KCNAB2: variants seen among roughly 807,000 people sequenced by gnomAD.
KCNAB2 encodes the protein voltage-gated potassium channel subunit beta-2.
A neutral mutation model predicts 63.6 loss-of-function variants in KCNAB2; 29 were observed. The ratio of observed to expected loss-of-function variants is 0.46; its 90% confidence interval spans 0.34 to 0.62. The LOEUF is 0.62. Among genes scored for constraint, KCNAB2 ranks in the 20% least tolerant of loss-of-function variants. KCNAB2 has a pLI of 0.01. For missense variants in KCNAB2, 359 were observed against 563.9 expected, an observed-to-expected ratio of 0.64 and a Z score of 3.68; for synonymous variants, 222 against 224.2, an observed-to-expected ratio of 0.99 and a Z score of 0.09.
chr1:6,089,216 A>G (rs1388077355), intron 8 of KCNAB2, among the ~76,000 whole-genome samples, 165 bp downstream of exon 8: 3 of 152,208 alleles, frequency 2.0e-5, no homozygotes, highest in African/African-American at 7.2e-5. Context: ...CCCAGGTAGC[A>G]CAGCGGGACG....
Position 6,035,345 on chromosome 1 carries a change from AGTGACAT to A in KCNAB2, c.-53+552_-53+558del, listed in dbSNP as rs1659947037. On this transcript the variant is annotated intron_variant, in intron 1 of 15. Coordinates refer to the KCNAB2 transcript ENST00000164247. This position sits in a 1 kb window ranked among gnomAD's most constrained non-coding sequence, Gnocchi z 5.0. ...GCCATTGGAAGGTTTGGAGTGAAGC[AGTGACAT>A]AATCTGACTTATGTTCTGGGAGGAT... 6.6e-6 allele frequency among the ~76,000 whole-genome samples: 1 copy of A among 152,220 alleles called. No homozygotes were observed. The highest frequency in any genetic ancestry group is 2.1e-4 in the South Asian group (1 of 4,832).
In KCNAB2 at chr1:6,087,715, C is replaced by T. The variant is rs1255136886; in HGVS notation, c.470+204C>T. 6.6e-6 allele frequency among the ~76,000 whole-genome samples: 1 copy of T among 152,230 alleles called. No homozygotes were observed. Among genetic ancestry groups the T allele is most frequent in the Non-Finnish European group, 1.5e-5 (1 of 68,036 alleles). ...AGCAGGGGCAGAGCTGGTGTTTCTG[C>T]AGCCATCAGCTATGCCTGGTGCCTG... On this transcript the variant is annotated intron_variant, in intron 7 of 15. Transcript: ENST00000378083. This position sits in a 1 kb window ranked among gnomAD's most constrained non-coding sequence, Gnocchi z 6.4.
intron 1 of KCNAB2, among the ~76,000 whole-genome samples, chr1:6,037,633 AG>A: frequency 6.6e-6 from 1 of 152,224 alleles, no homozygotes; most frequent in African/African-American, 2.4e-5. Flanking sequence ...CAGCATCTTT[AG>A]GAGTTTAACG....
Position 6,082,206 on chromosome 1 carries a change from G to T in KCNAB2, c.312G>T (p.Gln104His), listed in dbSNP as rs1352704803. The T allele has an allele frequency of 1.9e-6, 3 of 1,613,724 alleles. No individual in the cohort carries two copies. The highest frequency in any genetic ancestry group is 1.3e-5 in the African/African-American group (1 of 74,938). The change falls in exon 5 of 16, where the codon CAG becomes CAT. Residue 104 changes from glutamine (Q) to histidine (H), a missense_variant. Gln to His is a conservative substitution (Grantham distance 24). Transcript: ENST00000378083. The part of the protein sequence containing the change: ...GGQITDEMAE[Q>H]LMTLAYDNGI... The stretch of plus-strand genomic sequence containing the variant: ...TTTTCTCGTTTCAGATGGCAGAGCA[G>T]CTCATGACCTTGGCCTATGATAATG...
intron 1 of KCNAB2, among the ~76,000 whole-genome samples, chr1:6,005,517 C>G (rs1657613237): frequency 6.6e-6 from 1 of 151,558 alleles, no homozygotes; most frequent in Non-Finnish European, 1.5e-5. Context: ...AGGAAGCCAG[C>G]CTGTGGACCT....
intron 2 of KCNAB2, among the ~76,000 whole-genome samples, chr1:6,053,028 G>A (rs1268108248): frequency 6.6e-6 from 1 of 152,068 alleles, no homozygotes; most frequent in African/African-American, 2.4e-5. Context: ...TGTGGACGGC[G>A]TGTTTGGTCC....
chr1:6,041,978 C>A, upstream of KCNAB2: 3 of 1,014,920 alleles, frequency 3.0e-6, no homozygotes, highest in African/African-American at 1.6e-5. Context: ...TTCTCTGAAG[C>A]CAAAGCCCCC....
intron 5 of KCNAB2, among the ~76,000 whole-genome samples, chr1:6,084,644 C>T (rs374900717): frequency 3.3e-4 from 50 of 152,144 alleles, no homozygotes; most frequent in East Asian, 1.5e-3. Flanking sequence ...AGTGAAACCC[C>T]GTCTCTACTA....
chr1:6,099,705 G>T lies in KCNAB2; in HGVS notation c.*1131G>T. On this transcript the variant is annotated 3_prime_UTR_variant, in exon 16 of 16. Transcript: ENST00000378083. ...TGGGGTTTTCTGTGCCCATGACTTGGGGGCTGCACCCCCACAGCACCCCCA... is the reference window on the plus strand; with the variant it reads ...TGGGGTTTTCTGTGCCCATGACTTGTGGGCTGCACCCCCACAGCACCCCCA... The T allele has an allele frequency of 4.9e-6, 7 of 1,417,732 alleles. No homozygotes were observed. Among genetic ancestry groups the T allele is most frequent in the Non-Finnish European group, 5.6e-6 (6 of 1,077,032 alleles). 87.8% of individuals were successfully genotyped at this position (1,417,732 alleles called of 1,614,324 possible). A position where few individuals can be genotyped will look rare whatever the true frequency, so the allele number is the denominator to read the frequency against.
intron 1 of KCNAB2, among the ~76,000 whole-genome samples, chr1:6,051,036 G>A (rs1019788478): frequency 1.3e-5 from 2 of 152,240 alleles, no homozygotes; most frequent in East Asian, 3.9e-4. Flanking sequence ...TCAGCAACAG[G>A]TGTGCCCTGC....
chr1:6,076,550 C>G (rs1415263466), intron 4 of KCNAB2, among the ~76,000 whole-genome samples: 2 of 152,220 alleles, frequency 1.3e-5, no homozygotes, highest in Admixed American at 1.3e-4. Context: ...AATCCTCTAT[C>G]AACCCAGGGA....
intron 2 of KCNAB2, among the ~76,000 whole-genome samples, chr1:6,060,659 T>G: frequency 6.6e-6 from 1 of 152,066 alleles, no homozygotes; most frequent in East Asian, 1.9e-4. Context: ...CCCATTACTT[T>G]GGGAGGCCCA....
At chr1:6,084,383 A>G (rs1297360926) in intron 5 of KCNAB2, among the ~76,000 whole-genome samples, 1 of 152,186 alleles carries the variant, frequency 6.6e-6, no homozygotes, top group African/African-American at 2.4e-5. Context: ...GGACACGTGC[A>G]CCCACACACA....
At chr1:6,077,980 C>T (rs1258851470) in intron 4 of KCNAB2, among the ~76,000 whole-genome samples, 1 of 152,190 alleles carries the variant, frequency 6.6e-6, no homozygotes, top group Non-Finnish European at 1.5e-5. Flanking sequence ...CTCTGGGGTC[C>T]AGAGATCCAA....
chr1:6,010,903 A>C lies in KCNAB2; in HGVS notation c.-53+18115A>C, dbSNP rs1658110077. 2.0e-5 allele frequency among the ~76,000 whole-genome samples: 3 copies of C among 152,216 alleles called. No individual in the cohort carries two copies. In the South Asian group the frequency reaches 6.2e-4, roughly 31 times the overall value. On this transcript the variant is annotated intron_variant, in intron 1 of 16. Transcript: ENST00000341524. ...AATGAGTGGCAGGAGGTGCATGGACAGTCCTGGCTCTGCAGGCGAGCAGCC... is the reference window on the plus strand; with the variant it reads ...AATGAGTGGCAGGAGGTGCATGGACCGTCCTGGCTCTGCAGGCGAGCAGCC...
rs566223996 is a variant in KCNAB2, at chr1:6,003,601, G to T, written c.-53+10813G>T. Among the ~76,000 whole-genome samples the T allele has an allele frequency of 3.2e-4, 49 of 152,316 alleles. No homozygotes were observed. Among genetic ancestry groups the T allele is most frequent in the South Asian group, 1.7e-3 (8 of 4,832 alleles). On this transcript the variant is annotated intron_variant, in intron 1 of 16. Transcript: ENST00000341524. The surrounding 1 kb of genome is among the most constrained non-coding windows in gnomAD (Gnocchi z 4.1). ...GAATCAGGCTGTGGGAAACGTTTGT[G>T]TGCATCTCGCTTTATTTCCTCTCTT... is the stretch of plus-strand genomic sequence containing the variant.
Position 5,994,842 on chromosome 1 carries a change from T to C in KCNAB2, c.-53+2054T>C, listed in dbSNP as rs767642884. ...TTTCAGTCATCTTCTAAGACCCAAA[T>C]GGTTCAGGAGGAAGCGAGTGCCACA... On this transcript the variant is annotated intron_variant, in intron 1 of 16. Transcript: ENST00000341524. This position sits in a 1 kb window ranked among gnomAD's most constrained non-coding sequence, Gnocchi z 5.4. Among the ~76,000 whole-genome samples, 2 of 152,156 alleles carry C rather than the reference T, an allele frequency of 1.3e-5. No homozygotes were observed. Among genetic ancestry groups the C allele is most frequent in the Non-Finnish European group, 2.9e-5 (2 of 68,026 alleles).
At chr1:6,083,359 G>A (rs995033479) in intron 5 of KCNAB2, among the ~76,000 whole-genome samples, 8 of 152,164 alleles carry the variant, frequency 5.3e-5, no homozygotes, top group Non-Finnish European at 7.4e-5. Flanking sequence ...AGGCAGCTCC[G>A]TGCAGCCTCC....
chr1:6,046,079 A>G lies in KCNAB2; in HGVS notation c.-131A>G, dbSNP rs1660895807. ...ATTGCTTCTGACGTCCTGCAGTGAC[A>G]CTCCCTAATGAAAAAGCCGCTGTGC... On this transcript the variant is annotated 5_prime_UTR_variant, in exon 1 of 16. Coordinates refer to ENST00000378083, the MANE Select transcript of KCNAB2 (RefSeq NM_001199862.2). 1.0e-6 allele frequency: 1 copy of G among 985,134 alleles called. No individual in the cohort carries two copies. The highest frequency in any genetic ancestry group is 6.2e-5 in the Admixed American group (1 of 16,242). 61.0% of individuals were successfully genotyped at this position (985,134 alleles called of 1,614,324 possible).
Sources: allele counts gnomAD v4.1 joint callset (sites outside exome capture counted in the v4.1 genomes callset), GRCh38; gene constraint gnomAD v4.1.1; non-coding constraint Gnocchi (gnomAD v3.1); transcripts MANE v1.5; gene names NCBI Gene and HGNC (gene_info 2026-07-23, HGNC 2026-07-21).